The following DYRK1A variants were observed in gnomAD, a reference collection of about 807,000 sequenced individuals.
DYRK1A encodes dual specificity tyrosine phosphorylation regulated kinase 1A.
In DYRK1A, 9 loss-of-function variants were observed where a neutral mutation model predicts 79.7. That is an observed-to-expected ratio of 0.11 (90% CI 0.07 to 0.20). DYRK1A has a LOEUF of 0.20. Ranked by LOEUF, DYRK1A falls within the 10% of genes least tolerant of loss-of-function variation. DYRK1A has a pLI of 1.00. For missense variants in DYRK1A, 622 were observed against 956.0 expected (o/e 0.65, Z 4.61); for synonymous variants, 349 against 329.7 (o/e 1.06, Z -0.63).
At chr21:37,415,011 C>T (rs2050310923) in intron 1 of DYRK1A, among the ~76,000 whole-genome samples, 1 of 152,094 alleles carries the variant, frequency 6.6e-6, no homozygotes, top group Non-Finnish European at 1.5e-5. Flanking sequence ...TGTTTCTCCC[C>T]TTCAGTTTTA....
chr21:37,488,561 T>G, intron 6 of DYRK1A: 1 of 985,170 alleles, frequency 1.0e-6, no homozygotes, highest in Non-Finnish European at 1.2e-6. Flanking sequence ...CAACAAAGTC[T>G]TGCCAGCCCT....
intron 2 of DYRK1A, 86 bp from the exon 3 acceptor site, chr21:37,472,598 C>T: frequency 2.5e-6 from 3 of 1,194,728 alleles, no homozygotes. Flanking sequence ...TCCTAAAGTT[C>T]TTATTTAAGG....
intron 1 of DYRK1A, among the ~76,000 whole-genome samples, chr21:37,405,549 CACTA>C (rs1292786095): frequency 5.3e-5 from 8 of 152,218 alleles, no homozygotes; most frequent in Non-Finnish European, 8.8e-5. Flanking sequence ...TGAACTTTCT[CACTA>C]ACTTTTTTAA....
At chr21:37,417,891 AAG>A (rs1162931412) in intron 1 of DYRK1A, among the ~76,000 whole-genome samples, 2 of 152,168 alleles carry the variant, frequency 1.3e-5, no homozygotes, top group African/African-American at 4.8e-5. Flanking sequence ...TCCTGTGGTA[AAG>A]AGAGATGTTT....
At chr21:37,430,307 G>GAAC in intron 2 of DYRK1A, 1 of 972,322 alleles carries the variant, frequency 1.0e-6, no homozygotes, top group Non-Finnish European at 1.2e-6. Context: ...TATACTGGAA[G>GAAC]AACATAGTGT....
Position 37,476,672 on chromosome 21 carries a change from T to A in DYRK1A, c.208-1536T>A, listed in dbSNP as rs73400131. ...TACCCATATTAATTTATGCATTAAGTCCTTAAGGAATAGTATAAAAATATT... is the reference window on the plus strand; with the variant it reads ...TACCCATATTAATTTATGCATTAAGACCTTAAGGAATAGTATAAAAATATT... On this transcript the variant is annotated intron_variant, in intron 3 of 11. Transcript: ENST00000647188. 4.5e-3 allele frequency among the ~76,000 whole-genome samples: 687 copies of A among 152,354 alleles called. 4 individuals carry two copies. Among genetic ancestry groups the A allele is most frequent in the African/African-American group, 0.015 (643 of 41,592 alleles).
At chr21:37,482,475 G>T (rs146888206) in intron 5 of DYRK1A, among the ~76,000 whole-genome samples, 1 of 152,156 alleles carries the variant, frequency 6.6e-6, no homozygotes, top group African/African-American at 2.4e-5. Context: ...TACGAATAAG[G>T]TGTGGGTCAC....
chr21:37,373,263 A>G (rs988690768), intron 1 of DYRK1A, among the ~76,000 whole-genome samples: 2 of 152,226 alleles, frequency 1.3e-5, no homozygotes, highest in Non-Finnish European at 2.9e-5. Flanking sequence ...GAAGTGCTGA[A>G]GTGTAAAATG....
At chr21:37,506,418 A>T (rs974553905) in intron 11 of DYRK1A, 195 bp downstream of exon 11, 1 of 1,481,330 alleles carries the variant, frequency 6.8e-7, no homozygotes, top group South Asian at 1.3e-5. Context: ...AGAAGTGGCT[A>T]ACACTTATTG....
intron 9 of DYRK1A, chr21:37,502,084 T>C (rs897795124): frequency 8.5e-5 from 13 of 152,220 alleles, no homozygotes; most frequent in African/African-American, 3.1e-4. Flanking sequence ...ATGGTGTGTG[T>C]GTGTAGATAT....
In DYRK1A at chr21:37,512,410, C is replaced by G. The variant is rs143498500; in HGVS notation, c.2144C>G (p.Ala715Gly). 7.1e-5 allele frequency: 114 copies of G among 1,614,108 alleles called. No homozygotes were observed. Among genetic ancestry groups the G allele is most frequent in the Middle Eastern group, 1.6e-4 (1 of 6,084 alleles). ...IAGHPTYQFS[A>G]NTGPAHYMTE... ...GGACATCCAACATACCAATTTTCTG[C>G]TAATACAGGTCCTGCACATTACATG... Residue 715 changes from alanine to glycine, a missense_variant, in exon 12 of 12, where the codon GCT becomes GGT. By Grantham distance (60) the Ala-to-Gly change is moderately conservative (BLOSUM62 0). Around this residue, in one of 5 missense-constraint regions of DYRK1A, gnomAD observed 292 missense variants for 316.7 expected, o/e 0.92. Transcript: ENST00000647188.
At position 37,430,202 on chromosome 21, in the gene DYRK1A, T is replaced by G. The variant is rs531944947; in HGVS notation, c.10+9818T>G. 4 of 754,200 alleles carry G rather than the reference T, an allele frequency of 5.3e-6. No homozygotes were observed. In the African/African-American group the frequency reaches 7.6e-5, roughly 14 times the overall value. The allele number at this position is 754,200 out of a possible 1,614,324, so 46.7% of individuals were successfully genotyped here. A position where few individuals can be genotyped will look rare whatever the true frequency, so the allele number is the denominator to read the frequency against. On this transcript the variant is annotated intron_variant, in intron 2 of 11. Transcript: ENST00000647188. ...CTGTTACCCACCAGTTACTTCCAGCTTGTATATAGGTATGTTCACTTACAC... is the reference window on the plus strand; with the variant it reads ...CTGTTACCCACCAGTTACTTCCAGCGTGTATATAGGTATGTTCACTTACAC...
At chr21:37,484,018 A>G (rs2052756304) in intron 5 of DYRK1A, among the ~76,000 whole-genome samples, 1 of 152,138 alleles carries the variant, frequency 6.6e-6, no homozygotes, top group African/African-American at 2.4e-5. Context: ...AACCCGGGCT[A>G]CACAGCAGGA....
chr21:37,400,768 G>C, intron 1 of DYRK1A, among the ~76,000 whole-genome samples: 1 of 152,190 alleles, frequency 6.6e-6, no homozygotes, highest in East Asian at 1.9e-4. Context: ...GAATTTTATT[G>C]ACTGAGAAAG....
intron 5 of DYRK1A, among the ~76,000 whole-genome samples, chr21:37,483,565 T>C (rs978855190): frequency 6.6e-6 from 1 of 151,922 alleles, no homozygotes; most frequent in South Asian, 2.1e-4. Context: ...TGGGAGTCCT[T>C]TTTTTTGTTT....
rs114737645 is a variant in DYRK1A at position 37,469,858 on chromosome 21, A to G, written c.11-2826A>G. ...AGGCAGGGACACAGATCCAAACTGT[A>G]TCACCTGCTTATATGAAAACATCAC... On this transcript the variant is annotated intron_variant, in intron 2 of 11. Coordinates refer to ENST00000647188, the MANE Select transcript of DYRK1A (RefSeq NM_001347721.2). Among the ~76,000 whole-genome samples, 1,392 of 152,340 alleles carry G rather than the reference A, an allele frequency of 9.1e-3. 19 individuals are homozygous for G. Among genetic ancestry groups the G allele is most frequent in the African/African-American group, 0.032 (1,336 of 41,572 alleles).
intron 2 of DYRK1A, among the ~76,000 whole-genome samples, chr21:37,446,517 C>T (rs766741907): frequency 2.6e-5 from 4 of 151,748 alleles, no homozygotes; most frequent in Non-Finnish European, 5.9e-5. Context: ...CATGGCTTTC[C>T]AGCTATTAAA....
chr21:37,511,571 C>A (rs2148661369), intron 11 of DYRK1A, among the ~76,000 whole-genome samples: 2 of 152,252 alleles, frequency 1.3e-5, no homozygotes, highest in South Asian at 4.2e-4. Context: ...GTAAAGACTT[C>A]CTTTTGGACC....
chr21:37,408,343 CAT>C (rs1175914015), intron 1 of DYRK1A, among the ~76,000 whole-genome samples: 2 of 152,230 alleles, frequency 1.3e-5, no homozygotes. Context: ...AAACTGAAAA[CAT>C]ATACAGAAGT....
Sources: allele counts gnomAD v4.1 joint callset (sites outside exome capture counted in the v4.1 genomes callset), GRCh38; gene constraint gnomAD v4.1.1; regional missense constraint gnomAD v4.1.1; transcripts MANE v1.5; gene names NCBI Gene and HGNC (gene_info 2026-07-23, HGNC 2026-07-21).